ZNF75D: variants seen among roughly 807,000 people sequenced by gnomAD.
ZNF75D encodes zinc finger protein 75D.
A neutral mutation model predicts 33.3 loss-of-function variants in ZNF75D; 33 were observed. That is an observed-to-expected ratio of 0.99 (90% CI 0.75 to 1.32). The LOEUF (loss-of-function observed/expected upper bound fraction) is 1.32. Among genes scored for constraint, ZNF75D ranks in the 40% most tolerant of loss-of-function variants. The pLI is 0.00. For synonymous variants in ZNF75D, 113 were observed against 130.6 expected (o/e 0.87, Z 0.92); for missense variants, 338 against 367.5 (o/e 0.92, Z 0.66).
At chrX:135,249,144 G>T (rs2083771258) in exon 4 of ZNF75D, 19 of 323,245 alleles carry the variant, frequency 5.9e-5, no homozygotes, top group South Asian at 5.1e-4. Context: ...TGAGTAAAAC[G>T]CTCAGCACCG....
At chrX:135,314,664 T>C (rs1434687773) in intron 1 of ZNF75D, among the ~76,000 whole-genome samples, 3 of 111,854 alleles carry the variant, frequency 2.7e-5, no homozygotes, top group Non-Finnish European at 5.7e-5. Context: ...CTACTTGTTA[T>C]TGGTCTGTTC....
chrX:135,309,789 A>T (rs868908075), intron 1 of ZNF75D: 3 of 284,493 alleles, frequency 1.1e-5, no homozygotes, highest in Middle Eastern at 9.3e-4. Context: ...CCATTAAAAC[A>T]GAGTCTGTCA....
rs782012558 is a variant in ZNF75D, at chrX:135,287,855, A to G, written c.824-9T>C. On this transcript the variant is annotated splice_polypyrimidine_tract_variant and intron_variant, in intron 6 of 6. Transcript: ENST00000370766. ...ATTTTTTAGCTTTAACCCTGTTAGA[A>G]TAAACAGAATAATCAGCCATCTGTG... The G allele has an allele frequency of 6.1e-6, 7 of 1,140,294 alleles. No homozygotes were observed. The African/African-American group carries it at 1.3e-4, about 21-fold the overall frequency. The allele number at this position is 1,140,294 out of a possible 1,213,427, so 94.0% of individuals were successfully genotyped here.
chrX:135,313,021 T>G (rs989825673), intron 1 of ZNF75D, among the ~76,000 whole-genome samples: 1 of 111,914 alleles, frequency 8.9e-6, no homozygotes, highest in Admixed American at 9.4e-5. Context: ...TTTTGTCTCT[T>G]TTTGCTTTAG....
At chrX:135,272,857 G>T (rs2083887918) in intron 1 of ZNF75D, among the ~76,000 whole-genome samples, 2 of 111,619 alleles carry the variant, frequency 1.8e-5, no homozygotes, top group African/African-American at 6.5e-5. Context: ...TTTATGTAGG[G>T]TGTATACCAA....
At chrX:135,258,281 C>T (rs905211115) in intron 1 of ZNF75D, among the ~76,000 whole-genome samples, 1 of 109,524 alleles carries the variant, frequency 9.1e-6, no homozygotes, top group African/African-American at 3.3e-5. Flanking sequence ...TTTATAGTAG[C>T]ATGATTTATA....
intron 1 of ZNF75D, among the ~76,000 whole-genome samples, chrX:135,257,513 G>A (rs2083809724): frequency 8.8e-6 from 1 of 113,297 alleles, no homozygotes; most frequent in African/African-American, 3.2e-5. Flanking sequence ...AAAACAAAAG[G>A]TAAATTGCGA....
chrX:135,306,288 TACACACACACACACACAC>T (rs57049630), intron 1 of ZNF75D, among the ~76,000 whole-genome samples: 5 of 83,243 alleles, frequency 6.0e-5, no homozygotes, highest in Admixed American at 1.4e-4. Flanking sequence ...CAGAGATACA[TACACACACACACACACAC>T]ACACACACAC....
intron 2 of ZNF75D, chrX:135,252,206 A>C (rs149661491): frequency 1.9e-5 from 2 of 104,296 alleles, no homozygotes; most frequent in East Asian, 2.9e-4. Flanking sequence ...GAGGTTATCA[A>C]AGAGTCATTT....
chrX:135,260,731 A>G (rs187071754), intron 1 of ZNF75D, among the ~76,000 whole-genome samples: 40 of 111,348 alleles, frequency 3.6e-4, no homozygotes, highest in African/African-American at 1.1e-3. Flanking sequence ...AATTTTGTCA[A>G]TCTTTTCAAA....
At chrX:135,260,894 G>T (rs1354146433) in intron 1 of ZNF75D, among the ~76,000 whole-genome samples, 1 of 111,760 alleles carries the variant, frequency 8.9e-6, no homozygotes, top group Non-Finnish European at 1.9e-5. Context: ...TGATGTTAGG[G>T]TGTCGATTTT....
intron 1 of ZNF75D, among the ~76,000 whole-genome samples, chrX:135,330,180 C>T (rs1388224235): frequency 9.0e-6 from 1 of 111,675 alleles, no homozygotes; most frequent in Non-Finnish European, 1.9e-5. Flanking sequence ...GAAATAGTAT[C>T]GTTGGCATTT....
chrX:135,287,895 A>G (rs1288871947), intron 6 of ZNF75D, 49 bp from the exon 7 acceptor site: 25 of 973,237 alleles, frequency 2.6e-5, no homozygotes, highest in Non-Finnish European at 3.3e-5. Flanking sequence ...AGTGAAAGAA[A>G]GCTACATAAA....
intron 1 of ZNF75D, among the ~76,000 whole-genome samples, chrX:135,325,450 G>A (rs928227296): frequency 7.2e-5 from 8 of 111,343 alleles, no homozygotes; most frequent in Admixed American, 4.6e-4. Context: ...GCAGGGAGGC[G>A]TGGAGGGAGA....
intron 1 of ZNF75D, among the ~76,000 whole-genome samples, chrX:135,328,133 G>A (rs782281006): frequency 1.6e-4 from 18 of 111,697 alleles, no homozygotes; most frequent in Admixed American, 3.8e-4. Context: ...CTGTTTCCCT[G>A]AGGAACTAAA....
intron 1 of ZNF75D, among the ~76,000 whole-genome samples, chrX:135,326,180 C>T (rs1427435419): frequency 2.7e-5 from 3 of 110,287 alleles, no homozygotes; most frequent in African/African-American, 9.9e-5. Context: ...GTGCACGAAT[C>T]GACACTCTGT....
chrX:135,294,908 T>G (rs1361528541), intron 2 of ZNF75D, among the ~76,000 whole-genome samples: 1 of 111,916 alleles, frequency 8.9e-6, no homozygotes, highest in East Asian at 2.8e-4. Context: ...GTAGTACTTC[T>G]TCGAAAGACT....
rs1163194842 is a variant in ZNF75D at position 135,250,384 on chromosome X, T to TA, written n.1297-1084dup. 9.8e-4 allele frequency among the ~76,000 whole-genome samples: 94 copies of TA among 95,661 alleles called. 5 individuals carry two copies. Among genetic ancestry groups the TA allele is most frequent in the African/African-American group, 3.6e-3 (90 of 25,233 alleles). The allele number at this position is 95,661 out of a possible 115,157, so 83.1% of individuals were successfully genotyped here. On this transcript the variant is annotated intron_variant and non_coding_transcript_variant, in intron 3 of 3. Coordinates refer to the ZNF75D transcript ENST00000494295. The stretch of plus-strand genomic sequence containing the variant: ...AGGGAGTGTGTGACCTGGGTCGCTT[T>TA]AAAAAAAAAATTTTTTTAAACATGC...
intron 1 of ZNF75D, among the ~76,000 whole-genome samples, chrX:135,313,787 G>T (rs1021808593): frequency 6.3e-5 from 7 of 111,356 alleles, no homozygotes; most frequent in Non-Finnish European, 9.5e-5. Context: ...TTCTTTTTCA[G>T]CTATTTCATT....
Sources: allele counts gnomAD v4.1 joint callset (sites outside exome capture counted in the v4.1 genomes callset), GRCh38; gene constraint gnomAD v4.1.1; transcripts MANE v1.5; gene names NCBI Gene and HGNC (gene_info 2026-07-23, HGNC 2026-07-21).